Variants in ADH4 observed in about 807,000 individuals in gnomAD.
ADH4 encodes alcohol dehydrogenase 4 (class II), pi polypeptide.
A neutral mutation model predicts 35.2 loss-of-function variants in ADH4; 31 were observed. That is an observed-to-expected ratio of 0.88 (90% CI 0.66 to 1.19). The LOEUF (loss-of-function observed/expected upper bound fraction) is 1.19, where lower values mean the gene tolerates loss of function less well. Among genes scored for constraint, ADH4 ranks in the 50% most tolerant of loss-of-function variants. The pLI, the probability that ADH4 is intolerant of heterozygous loss-of-function variation, is 0.00. For missense variants in ADH4, 476 were observed against 458.3 expected (o/e 1.04, Z -0.35); for synonymous variants, 171 against 160.2 (o/e 1.07, Z -0.51).
chr4:99,136,673 A>G lies in ADH4; in HGVS notation c.375T>C (p.Asp125=). ...KISNLKSPAS[D]QQLMEDKTSR... is the part of the protein sequence containing the mutation. ...TGGTTTTGTCTTCCATTAGTTGTTG[A>G]TCACTAGCAGGACTTTTGAGATTAC... The change falls in exon 5 of 9, where the codon GAT becomes GAC. Residue 125 remains aspartate (D), a synonymous_variant. Coordinates refer to ENST00000265512, the MANE Select transcript of ADH4 (RefSeq NM_000670.5). The G allele has an allele frequency of 6.2e-7, 1 of 1,613,578 alleles. No individual in the cohort carries two copies.
At position 99,123,764 on chromosome 4, in the gene ADH4, T is replaced by C. The variant is rs973169818; in HGVS notation, c.*678A>G. ...AAATTGCTGTTGACTATAGTCTCCC[T>C]GTTGTGCTATCAAATACCAGGTCTT... On this transcript the variant is annotated 3_prime_UTR_variant, in exon 9 of 9. Transcript: ENST00000265512. The C allele has an allele frequency of 3.9e-5, 6 of 152,242 alleles. No individual in the cohort carries two copies. The highest frequency in any genetic ancestry group is 1.4e-4 in the African/African-American group (6 of 41,454). 9.4% of individuals were successfully genotyped at this position (152,242 alleles called of 1,614,324 possible). A position where few individuals can be genotyped will look rare whatever the true frequency, so the allele number is the denominator to read the frequency against.
intron 4 of ADH4, among the ~76,000 whole-genome samples, chr4:99,138,098 C>A (rs1729502123): frequency 6.6e-6 from 1 of 152,050 alleles, no homozygotes; most frequent in African/African-American, 2.4e-5. Context: ...TGATCTGATT[C>A]AGATTTTATA....
intron 5 of ADH4, among the ~76,000 whole-genome samples, chr4:99,134,036 T>A (rs1055288271): frequency 1.3e-5 from 2 of 152,140 alleles, no homozygotes; most frequent in Non-Finnish European, 2.9e-5. Flanking sequence ...CTGGAGGACA[T>A]TATGTCAGGT....
At chr4:99,128,138 A>G (rs1729156667) in intron 6 of ADH4, among the ~76,000 whole-genome samples, 1 of 152,106 alleles carries the variant, frequency 6.6e-6, no homozygotes, top group Non-Finnish European at 1.5e-5. Context: ...TAATGTTTAG[A>G]CTTTAGTTAA....
At chr4:99,127,853 T>C (rs1729148575) in intron 6 of ADH4, among the ~76,000 whole-genome samples, 1 of 150,586 alleles carries the variant, frequency 6.6e-6, no homozygotes, top group African/African-American at 2.4e-5. Context: ...AAATTATTAG[T>C]AAAATAAAAA....
At chr4:99,126,402 G>A (rs536019004) in intron 8 of ADH4, among the ~76,000 whole-genome samples, 192 bp downstream of exon 8, 2 of 152,286 alleles carry the variant, frequency 1.3e-5, no homozygotes, top group East Asian at 3.9e-4. Context: ...TTGTAACAGT[G>A]TACAGATGTG....
Position 99,136,616 on chromosome 4 carries a change from G to T in ADH4, c.432C>A (p.Tyr144Ter). ...SRFTCKGKPV[Y>*]HFFGTSTFSQ... ...AGAATGTACTGGTTCCAAAGAAATG[G>T]TAAACTGGTTTTCCTTTGCAGGTAA... The change falls in exon 5 of 9, where the codon TAC (tyrosine) becomes TAA (stop). Residue 144 changes from tyrosine to a stop codon, truncating the protein, a stop_gained. Transcript: ENST00000265512. LOFTEE classifies it high-confidence loss of function. 6.2e-7 allele frequency: 1 copy of T among 1,614,072 alleles called. No homozygotes were observed. The highest frequency in any genetic ancestry group is 8.5e-7 in the Non-Finnish European group (1 of 1,179,988).
chr4:99,144,113 CTTCCTGAG>C, intron 1 of ADH4, 84 bp downstream of exon 1: 1 of 1,432,696 alleles, frequency 7.0e-7, no homozygotes, highest in East Asian at 2.3e-5. Flanking sequence ...TAAGTCACTG[CTTCCTGAG>C]TTCCTGAAGG....
rs1728986765 is a variant in ADH4 at position 99,123,760 on chromosome 4, TC to T, written c.*681del. 6.6e-6 allele frequency: 1 copy of T among 152,168 alleles called. No individual in the cohort carries two copies. Among genetic ancestry groups the T allele is most frequent in the Non-Finnish European group, 1.5e-5 (1 of 68,018 alleles). The allele number at this position is 152,168 out of a possible 1,614,324, so 9.4% of individuals were successfully genotyped here. On this transcript the variant is annotated 3_prime_UTR_variant, in exon 9 of 9. Coordinates refer to ENST00000265512, the MANE Select transcript of ADH4 (RefSeq NM_000670.5). The stretch of plus-strand genomic sequence containing the variant: ...AATTAAATTGCTGTTGACTATAGTC[TC>T]CCTGTTGTGCTATCAAATACCAGGT...
chr4:99,131,538 A>G lies in ADH4; in HGVS notation c.809T>C (p.Phe270Ser). ...AGATCCACCTGCACAGTCAAGGGCA[A>G]AATCCACACCTCCCTTGGTCAATTC... ...IIELTKGGVD[F>S]ALDCAGGSET... Residue 270 changes from phenylalanine (F) to serine (S), a missense_variant, in exon 6 of 9, where the codon TTT becomes TCT. Coordinates refer to ENST00000265512, the MANE Select transcript of ADH4 (RefSeq NM_000670.5). The G allele has an allele frequency of 6.2e-7, 1 of 1,614,026 alleles. No individual in the cohort carries two copies. Among genetic ancestry groups the G allele is most frequent in the South Asian group, 1.1e-5 (1 of 91,068 alleles).
intron 6 of ADH4, among the ~76,000 whole-genome samples, chr4:99,129,039 G>A (rs916280143): frequency 3.9e-5 from 6 of 151,988 alleles, no homozygotes; most frequent in African/African-American, 1.5e-4. Context: ...GGCTCAAGCA[G>A]TCTGCCCACC....
At chr4:99,138,715 A>G (rs1729520217) in intron 4 of ADH4, among the ~76,000 whole-genome samples, 1 of 152,178 alleles carries the variant, frequency 6.6e-6, no homozygotes, top group African/African-American at 2.4e-5. Flanking sequence ...TTCCCTTAAC[A>G]TTATGTGTGT....
Position 99,141,583 on chromosome 4 carries a change from T to TA in ADH4, c.219dup (p.Ile74TyrfsTer16), listed in dbSNP as rs772492403. 6.2e-7 allele frequency: 1 copy of TA among 1,614,134 alleles called. No homozygotes were observed. Among genetic ancestry groups the TA allele is most frequent in the Non-Finnish European group, 8.5e-7 (1 of 1,180,002 alleles). On this transcript the variant is annotated frameshift_variant, in exon 3 of 9. Transcript: ENST00000265512. LOFTEE classifies it high-confidence loss of function. Reference sequence around the variant, plus strand: ...ACTCCTGGCCCAATACTTTCCACAATACCTGCAGCCTCATGGCCAACGATC... The same window carrying TA: ...ACTCCTGGCCCAATACTTTCCACAATAACCTGCAGCCTCATGGCCAACGATC...
chr4:99,144,276 A>T lies in ADH4; in HGVS notation c.-54T>A, dbSNP rs186469994. ...TCTTTCTGAGTTAAGAAAGCTTCAA[A>T]CTCCTACCCAGGGAGTTCCGTGTCC... On this transcript the variant is annotated 5_prime_UTR_variant, in exon 1 of 9. Coordinates refer to ENST00000265512, the MANE Select transcript of ADH4 (RefSeq NM_000670.5). 435 of 1,567,268 alleles carry T rather than the reference A, an allele frequency of 2.8e-4. 5 individuals are homozygous for T. The highest frequency in any genetic ancestry group is 3.4e-4 in the Non-Finnish European group (385 of 1,137,580).
intron 8 of ADH4, among the ~76,000 whole-genome samples, chr4:99,125,287 A>G (rs750938552): frequency 1.3e-5 from 2 of 152,158 alleles, no homozygotes; most frequent in Non-Finnish European, 2.9e-5. Flanking sequence ...GTGGGCAGTC[A>G]GGTGGTATTC....
intron 1 of ADH4, 31 bp downstream of exon 1, chr4:99,144,174 A>G: frequency 6.2e-7 from 1 of 1,612,696 alleles, no homozygotes; most frequent in Non-Finnish European, 8.5e-7. Context: ...GAAAAGCACA[A>G]ACTGAACAAA....
At chr4:99,130,797 C>T (rs1253163336) in intron 6 of ADH4, among the ~76,000 whole-genome samples, 2 of 151,948 alleles carry the variant, frequency 1.3e-5, no homozygotes, top group African/African-American at 4.8e-5. Context: ...CAACGAAAAA[C>T]CCCTCAGGAA....
rs761625004 is a variant in ADH4, at chr4:99,124,426, A to G, written c.*16T>C. ...CACATTCAATCAGATAGTATTCTGA[A>G]TTGCTCCTGGCATCTTCAAAAGATG... On this transcript the variant is annotated 3_prime_UTR_variant, in exon 9 of 9. Transcript: ENST00000265512. 1 of 1,485,614 alleles carries G rather than the reference A, an allele frequency of 6.7e-7. No individual in the cohort carries two copies. Among genetic ancestry groups the G allele is most frequent in the African/African-American group, 1.4e-5 (1 of 71,374 alleles). 92.0% of individuals were successfully genotyped at this position (1,485,614 alleles called of 1,614,324 possible). A position where few individuals can be genotyped will look rare whatever the true frequency, so the allele number is the denominator to read the frequency against.
intron 8 of ADH4, 128 bp downstream of exon 8, chr4:99,126,466 A>G (rs56209297): frequency 3.8e-5 from 32 of 853,318 alleles, no homozygotes; most frequent in Non-Finnish European, 5.3e-5. Flanking sequence ...TTAATCTTTT[A>G]AGCACATCTA....
Sources: gnomAD v4.1 joint callset for allele counts (sites outside exome capture counted in the v4.1 genomes callset) on GRCh38, gnomAD v4.1.1 for gene constraint, MANE v1.5 for transcripts, NCBI Gene and HGNC (gene_info 2026-07-23, HGNC 2026-07-21) for gene names.